Variants in GABBR2 observed in about 807,000 individuals in gnomAD.
GABBR2 encodes the protein G-protein coupled receptor 51.
GABBR2 carries 23 observed loss-of-function variants against 105.6 expected under a neutral mutation model. The ratio of observed to expected loss-of-function variants is 0.22; its 90% CI spans 0.16 to 0.31. GABBR2 has a LOEUF of 0.31. Ranked by LOEUF, GABBR2 falls within the 10% of genes least tolerant of loss-of-function variation. GABBR2 has a pLI of 1.00. For synonymous variants in GABBR2, 478 were observed against 499.7 expected, an observed-to-expected ratio of 0.96 and a Z score of 0.58; for missense variants, 734 against 1,245.5, an observed-to-expected ratio of 0.59 and a Z score of 6.18.
At chr9:98,526,307 C>G (rs746231989) in intron 3 of GABBR2, among the ~76,000 whole-genome samples, 4 of 152,220 alleles carry the variant, frequency 2.6e-5, no homozygotes, top group Non-Finnish European at 5.9e-5. Context: ...CTCCCACACC[C>G]ACCCTGTTCC....
chr9:98,688,411 A>ATATATATATATATATAT (rs397737112), intron 1 of GABBR2, among the ~76,000 whole-genome samples: 23 of 148,120 alleles, frequency 1.6e-4, no homozygotes, highest in Non-Finnish European at 2.3e-4. Flanking sequence ...ATATATATAT[A>ATATATATATATATATAT]AAATCTCCAG....
chr9:98,329,707 A>ACT, intron 13 of GABBR2, among the ~76,000 whole-genome samples: 1 of 151,578 alleles, frequency 6.6e-6, no homozygotes, highest in East Asian at 1.9e-4. Flanking sequence ...TGTCTCTCCC[A>ACT]CTCTCATTTT....
At chr9:98,398,591 G>A (rs1023304797) in intron 8 of GABBR2, among the ~76,000 whole-genome samples, 1 of 152,100 alleles carries the variant, frequency 6.6e-6, no homozygotes, top group Non-Finnish European at 1.5e-5. Context: ...TCTGTGCTGG[G>A]GCCCCAGATC....
chr9:98,433,289 A>G (rs899435932), intron 7 of GABBR2, among the ~76,000 whole-genome samples: 1 of 152,208 alleles, frequency 6.6e-6, no homozygotes, highest in Non-Finnish European at 1.5e-5. Flanking sequence ...CATGCTTGAG[A>G]GAGAATCTAG....
intron 8 of GABBR2, 112 bp downstream of exon 8, chr9:98,405,969 C>T: frequency 1.4e-6 from 1 of 711,068 alleles, no homozygotes; most frequent in South Asian, 1.6e-5. Context: ...GCTCTGCTTT[C>T]TTTTATCTGG....
At position 98,708,411 on chromosome 9, in the gene GABBR2, A is replaced by T. The variant is rs1830930849; in HGVS notation, c.321+6T>A. The T allele has an allele frequency of 7.0e-7, 1 of 1,426,166 alleles. No homozygotes were observed. The highest frequency in any genetic ancestry group is 1.4e-5 in the African/African-American group (1 of 69,298). The allele number at this position is 1,426,166 out of a possible 1,614,324, so 88.3% of individuals were successfully genotyped here. A position where few individuals can be genotyped will look rare whatever the true frequency, so the allele number is the denominator to read the frequency against. On this transcript the variant is annotated splice_donor_region_variant and intron_variant, in intron 1 of 18. Transcript: ENST00000259455. ...GCCCCGACGGCAGGGGCAGCCGGAC[A>T]CTCACCTCCGTGTCATAGAGCCGCA...
At chr9:98,593,772 C>T (rs34181928) in intron 1 of GABBR2, among the ~76,000 whole-genome samples, 37,480 of 152,126 alleles carry the variant, frequency 0.25, 5,240 homozygotes, top group South Asian at 0.35. Context: ...TGAAGGGGGG[C>T]TGTAGGGTGG....
chr9:98,293,661 T>A, intron 18 of GABBR2, 124 bp downstream of exon 18: 1 of 631,548 alleles, frequency 1.6e-6, no homozygotes, highest in Admixed American at 2.5e-5. Context: ...TTGGACTGCA[T>A]CATGGGATGG....
In GABBR2 at chr9:98,606,235, C is replaced by T. The variant is rs551124850; in HGVS notation, c.322-28163G>A. ...TGTGAATAGTGCCGCAGTAAACATA[C>T]GTGTGCGTGTGTCTTTATAGCAGCA... On this transcript the variant is annotated intron_variant, in intron 1 of 18. Coordinates refer to ENST00000259455, the MANE Select transcript of GABBR2 (RefSeq NM_005458.8). Among the ~76,000 whole-genome samples the T allele has an allele frequency of 4.8e-4, 73 of 152,256 alleles. 3 individuals are homozygous for T. In the South Asian group the frequency reaches 0.015, roughly 31 times the overall value.
chr9:98,653,056 G>A (rs561520366), intron 1 of GABBR2, among the ~76,000 whole-genome samples: 2 of 152,196 alleles, frequency 1.3e-5, no homozygotes, highest in African/African-American at 2.4e-5. Flanking sequence ...GAGTGCAGTG[G>A]CACAATCATA....
chr9:98,298,581 A>AT (rs999566755), intron 17 of GABBR2, among the ~76,000 whole-genome samples: 6 of 152,046 alleles, frequency 3.9e-5, no homozygotes, highest in African/African-American at 1.4e-4. Flanking sequence ...AACCTTTAAA[A>AT]TTTTTTTTCT....
At chr9:98,324,003 G>A (rs1243048070) in intron 13 of GABBR2, among the ~76,000 whole-genome samples, 5 of 152,194 alleles carry the variant, frequency 3.3e-5, no homozygotes, top group African/African-American at 1.2e-4. Context: ...ACCCTAGGAG[G>A]TTAGTAGGGC....
At chr9:98,390,802 G>T (rs1024132325) in intron 9 of GABBR2, among the ~76,000 whole-genome samples, 1 of 152,074 alleles carries the variant, frequency 6.6e-6, no homozygotes, top group Non-Finnish European at 1.5e-5. Context: ...CTGAGGTTTG[G>T]TTCACAGGTG....
At chr9:98,630,957 GCCACACGTGGCTGGTGGCTAC>G (rs1261022822) in intron 1 of GABBR2, among the ~76,000 whole-genome samples, 4 of 152,166 alleles carry the variant, frequency 2.6e-5, no homozygotes, top group Non-Finnish European at 5.9e-5. Flanking sequence ...GTACTCACTA[GCCACACGTGGCTGGTGGCTAC>G]CATTTGAGAC....
intron 1 of GABBR2, among the ~76,000 whole-genome samples, chr9:98,593,872 C>T (rs931982694): frequency 2.6e-5 from 4 of 152,190 alleles, no homozygotes; most frequent in African/African-American, 9.7e-5. Flanking sequence ...ATGTGCCTCG[C>T]TTGTCCTCCA....
chr9:98,667,331 C>T (rs190321964), intron 1 of GABBR2, among the ~76,000 whole-genome samples: 116 of 152,228 alleles, frequency 7.6e-4, no homozygotes, highest in African/African-American at 2.7e-3. Context: ...AAGTGAATGC[C>T]AGCAGCAGGA....
At chr9:98,443,216 G>A (rs761141683) in intron 7 of GABBR2, among the ~76,000 whole-genome samples, 1 of 152,130 alleles carries the variant, frequency 6.6e-6, no homozygotes, top group Non-Finnish European at 1.5e-5. Flanking sequence ...CTTCCAAGGA[G>A]CCTCCTCTTT....
rs79880937 is a variant in GABBR2 at position 98,333,525 on chromosome 9, C to T, written c.1894-22320G>A. On this transcript the variant is annotated intron_variant, in intron 13 of 18. Transcript: ENST00000259455. ...ATGCTGTGGCTGCATCATTCTGCCTCCATCTCCGCATGGCCTTCTCCCCTG... is the reference window on the plus strand; with the variant it reads ...ATGCTGTGGCTGCATCATTCTGCCTTCATCTCCGCATGGCCTTCTCCCCTG... Among the ~76,000 whole-genome samples, 309 of 152,256 alleles carry T rather than the reference C, an allele frequency of 2.0e-3. 5 individuals are homozygous for T. The East Asian group carries it at 0.036, about 18-fold the overall frequency.
intron 1 of GABBR2, among the ~76,000 whole-genome samples, chr9:98,625,962 G>C (rs1481818832): frequency 7.0e-6 from 1 of 141,886 alleles, no homozygotes; most frequent in Non-Finnish European, 1.5e-5. Flanking sequence ...ACCTTAAACA[G>C]GGGACAGAGC....
Sources: allele counts gnomAD v4.1 joint callset (sites outside exome capture counted in the v4.1 genomes callset), GRCh38; gene constraint gnomAD v4.1.1; transcripts MANE v1.5; gene names NCBI Gene and HGNC (gene_info 2026-07-23, HGNC 2026-07-21).